PPP2R2C: variants seen among roughly 807,000 people sequenced by gnomAD.
PPP2R2C encodes protein phosphatase 2 regulatory subunit Bgamma, also known as protein phosphatase 2, regulatory subunit B, gamma.
A neutral mutation model predicts 45.3 loss-of-function variants in PPP2R2C; 10 were observed. The observed-to-expected ratio is 0.22, with a 90% confidence interval of 0.14 to 0.37. PPP2R2C has a LOEUF of 0.37. Ranked by LOEUF, PPP2R2C falls within the 10% of genes least tolerant of loss-of-function variation. PPP2R2C has a pLI of 1.00. For synonymous variants in PPP2R2C, 257 were observed against 245.4 expected (o/e 1.05, Z -0.44); for missense variants, 308 against 619.7 (o/e 0.50, Z 5.34).
At chr4:6,439,847 G>A (rs1449738779) in intron 1 of PPP2R2C, among the ~76,000 whole-genome samples, 7 of 152,128 alleles carry the variant, frequency 4.6e-5, no homozygotes, top group Admixed American at 4.6e-4. Flanking sequence ...CAACCAGCTG[G>A]AGCTTAGCCC....
At chr4:6,492,887 C>A (rs1722740283) in intron 2 of PPP2R2C, among the ~76,000 whole-genome samples, 1 of 152,136 alleles carries the variant, frequency 6.6e-6, no homozygotes, top group Non-Finnish European at 1.5e-5. Flanking sequence ...TGGGACTGAA[C>A]TTCAGGGTTA....
intron 1 of PPP2R2C, among the ~76,000 whole-genome samples, chr4:6,448,531 A>C (rs921474973): frequency 6.6e-6 from 1 of 151,928 alleles, no homozygotes; most frequent in African/African-American, 2.4e-5. Context: ...ACTACCATGC[A>C]TCACTGGCCG....
chr4:6,461,609 G>C (rs1721324986), intron 1 of PPP2R2C, among the ~76,000 whole-genome samples: 1 of 152,218 alleles, frequency 6.6e-6, no homozygotes, highest in African/African-American at 2.4e-5. Context: ...TCACTCTGTG[G>C]AAGAGACTCC....
Position 6,328,691 on chromosome 4 carries a change from T to C in PPP2R2C, c.1052+571A>G, listed in dbSNP as rs951803227. ...CACTTCTGGCACTGGGGCGCCACTT[T>C]CCAGGCAGGTGGGGTTGAGAGACGG... On this transcript the variant is annotated intron_variant, in intron 8 of 8. Coordinates refer to ENST00000382599, the MANE Select transcript of PPP2R2C (RefSeq NM_020416.4). This position sits in a 1 kb window ranked among gnomAD's most constrained non-coding sequence, Gnocchi z 4.4. Among the ~76,000 whole-genome samples, 5 of 152,264 alleles carry C rather than the reference T, an allele frequency of 3.3e-5. No individual in the cohort carries two copies. The South Asian group carries it at 8.3e-4, about 25-fold the overall frequency.
intron 1 of PPP2R2C, among the ~76,000 whole-genome samples, chr4:6,388,570 A>G (rs1431244098): frequency 6.6e-6 from 1 of 152,158 alleles, no homozygotes; most frequent in Non-Finnish European, 1.5e-5. Flanking sequence ...GGAGGAGGCC[A>G]TGGGGAGACA....
intron 6 of PPP2R2C, among the ~76,000 whole-genome samples, chr4:6,343,107 C>G (rs1053962632): frequency 7.9e-5 from 12 of 152,178 alleles, no homozygotes; most frequent in African/African-American, 2.9e-4. Flanking sequence ...GCTCAAATAA[C>G]AGCCATTTGT....
At chr4:6,384,870 G>T in intron 1 of PPP2R2C, 1 of 984,944 alleles carries the variant, frequency 1.0e-6, no homozygotes, top group East Asian at 1.1e-4. Context: ...AGAAGTGCTG[G>T]TTGGAGTCTT....
intron 2 of PPP2R2C, among the ~76,000 whole-genome samples, chr4:6,507,505 C>T (rs1723277275): frequency 2.0e-5 from 3 of 152,256 alleles, no homozygotes; most frequent in Admixed American, 1.3e-4. Flanking sequence ...CCCTACTAGA[C>T]TCTCTATGTG....
intron 1 of PPP2R2C, among the ~76,000 whole-genome samples, chr4:6,431,705 C>T (rs544384584): frequency 2.0e-5 from 3 of 152,312 alleles, no homozygotes; most frequent in Admixed American, 6.5e-5. Context: ...GGGCCTGCCT[C>T]TGGGGAGCCT....
At chr4:6,417,164 T>C (rs1718647506) in intron 1 of PPP2R2C, among the ~76,000 whole-genome samples, 2 of 152,232 alleles carry the variant, frequency 1.3e-5, no homozygotes, top group South Asian at 2.1e-4. Flanking sequence ...GTCCAGCCCC[T>C]GGGCGGGGAG....
intron 1 of PPP2R2C, among the ~76,000 whole-genome samples, chr4:6,425,614 C>T (rs1719241245): frequency 6.6e-6 from 1 of 152,200 alleles, no homozygotes. Flanking sequence ...AACCCACTGC[C>T]TTTTTGCACA....
At chr4:6,339,622 T>C (rs1442011308) in intron 6 of PPP2R2C, among the ~76,000 whole-genome samples, 1 of 152,160 alleles carries the variant, frequency 6.6e-6, no homozygotes, top group Non-Finnish European at 1.5e-5. Context: ...TAGAAATGCA[T>C]GGGCTTGAGC....
intron 3 of PPP2R2C, among the ~76,000 whole-genome samples, chr4:6,376,371 G>C (rs1008990985): frequency 1.3e-5 from 2 of 152,156 alleles, no homozygotes; most frequent in Non-Finnish European, 2.9e-5. Context: ...AACCCAGGTG[G>C]GAAGCTTTGA....
At chr4:6,516,384 A>C (rs910855084) in intron 2 of PPP2R2C, among the ~76,000 whole-genome samples, 2 of 152,226 alleles carry the variant, frequency 1.3e-5, no homozygotes, top group Non-Finnish European at 2.9e-5. Flanking sequence ...TCTTACCCGC[A>C]GTGCTGCTTT....
intron 6 of PPP2R2C, among the ~76,000 whole-genome samples, chr4:6,335,938 T>G (rs1577075220): frequency 6.6e-6 from 1 of 152,150 alleles, no homozygotes; most frequent in East Asian, 1.9e-4. Flanking sequence ...TCCCTGTCCT[T>G]AGCCTCTCCA....
chr4:6,424,730 G>C (rs947194349), intron 1 of PPP2R2C, among the ~76,000 whole-genome samples: 27 of 152,162 alleles, frequency 1.8e-4, no homozygotes, highest in Admixed American at 3.3e-4. Flanking sequence ...TCAGGGATGG[G>C]ACCGTGTGGG....
Position 6,472,296 on chromosome 4 carries a change from C to T in PPP2R2C, c.-67G>A. On this transcript the variant is annotated 5_prime_UTR_variant, in exon 1 of 9. Transcript: ENST00000382599. Reference sequence around the variant, plus strand: ...ACACCGATGCAATCCGCAGAGGTCGCGCCGGGCGCGCGGGCCATGCCGCCG... The same window carrying T: ...ACACCGATGCAATCCGCAGAGGTCGTGCCGGGCGCGCGGGCCATGCCGCCG... 2 of 1,592,744 alleles carry T rather than the reference C, an allele frequency of 1.3e-6. No homozygotes were observed. Among genetic ancestry groups the T allele is most frequent in the African/African-American group, 1.4e-5 (1 of 73,700 alleles).
intron 1 of PPP2R2C, among the ~76,000 whole-genome samples, chr4:6,432,066 C>T (rs1719652846): frequency 6.6e-6 from 1 of 152,154 alleles, no homozygotes; most frequent in South Asian, 2.1e-4. Flanking sequence ...CCTCTTAACG[C>T]ATCACCTTAA....
At chr4:6,356,783 G>A (rs1713233413) in intron 5 of PPP2R2C, among the ~76,000 whole-genome samples, 1 of 152,216 alleles carries the variant, frequency 6.6e-6, no homozygotes, top group Non-Finnish European at 1.5e-5. Context: ...GTGGAGCCTC[G>A]GGCTAGCCTC....
Sources: allele counts gnomAD v4.1 joint callset (sites outside exome capture counted in the v4.1 genomes callset), GRCh38; gene constraint gnomAD v4.1.1; non-coding constraint Gnocchi (gnomAD v3.1); transcripts MANE v1.5; gene names NCBI Gene and HGNC (gene_info 2026-07-23, HGNC 2026-07-21).